CD46: variants seen among roughly 807,000 people sequenced by gnomAD.
CD46 encodes membrane cofactor protein.
A neutral mutation model predicts 53.3 loss-of-function variants in CD46; 30 were observed. That is an observed-to-expected ratio of 0.56 (90% confidence interval 0.42 to 0.76). The LOEUF (loss-of-function observed/expected upper bound fraction) is 0.76, where lower values mean the gene tolerates loss of function less well. Among genes scored for constraint, CD46 ranks in the 30% least tolerant of loss-of-function variants. CD46 has a pLI of 0.00. For missense variants in CD46, 409 were observed against 463.0 expected (o/e 0.88, Z 1.07); for synonymous variants, 142 against 152.0 (o/e 0.93, Z 0.48).
intron 11 of CD46, among the ~76,000 whole-genome samples, chr1:207,786,411 C>CTAA (rs1659278098): frequency 6.6e-6 from 1 of 152,076 alleles, no homozygotes. Context: ...AAGTACATAT[C>CTAA]TTCTAAAGAA....
At chr1:207,767,863 T>TA in intron 7 of CD46, 40 bp downstream of exon 7, 1 of 1,443,910 alleles carries the variant, frequency 6.9e-7, no homozygotes, top group Non-Finnish European at 9.7e-7. Context: ...AAAAATCCTT[T>TA]AAATTCCTGG....
At chr1:207,754,911 C>T (rs1655357106) in intron 1 of CD46, among the ~76,000 whole-genome samples, 1 of 145,262 alleles carries the variant, frequency 6.9e-6, no homozygotes, top group Non-Finnish European at 1.5e-5. Flanking sequence ...GCTAGAAGTT[C>T]AGCCTGGACA....
chr1:207,792,292 T>A (rs1659867395), intron 12 of CD46, among the ~76,000 whole-genome samples: 1 of 151,402 alleles, frequency 6.6e-6, no homozygotes, highest in Non-Finnish European at 1.5e-5. Context: ...GGAAAAAAAA[T>A]AAAGAAAAGA....
At chr1:207,784,434 C>T (rs920945117) in intron 9 of CD46, among the ~76,000 whole-genome samples, 6 of 152,178 alleles carry the variant, frequency 3.9e-5, no homozygotes, top group African/African-American at 7.2e-5. Context: ...ATAACTTTAC[C>T]GCTAAATAAC....
chr1:207,774,906 A>G (rs1279724552), intron 8 of CD46, among the ~76,000 whole-genome samples: 1 of 152,084 alleles, frequency 6.6e-6, no homozygotes, highest in African/African-American at 2.4e-5. Flanking sequence ...TGTTCTCTGT[A>G]TTTCCTGAAT....
Position 207,752,133 on chromosome 1 carries a change from C to A in CD46, c.-80C>A. 1 of 1,297,200 alleles carries A rather than the reference C, an allele frequency of 7.7e-7. No individual in the cohort carries two copies. Among genetic ancestry groups the A allele is most frequent in the Non-Finnish European group, 1.1e-6 (1 of 899,830 alleles). The allele number at this position is 1,297,200 out of a possible 1,614,324, so 80.4% of individuals were successfully genotyped here. A position where few individuals can be genotyped will look rare whatever the true frequency, so the allele number is the denominator to read the frequency against. ...GATTGTTGCGTCCCATATCTGGACC[C>A]AGAAGGGACTTCCCTGCTCGGCTGG... On this transcript the variant is annotated 5_prime_UTR_variant, in exon 1 of 13. Coordinates refer to ENST00000367042, the MANE Select transcript of CD46 (RefSeq NM_172351.3). This position sits in a 1 kb window ranked among gnomAD's most constrained non-coding sequence, Gnocchi z 4.1.
intron 5 of CD46, among the ~76,000 whole-genome samples, chr1:207,763,955 CT>C (rs11345183): frequency 0.61 from 76,528 of 126,352 alleles, 21,816 homozygotes; most frequent in East Asian, 0.85. Context: ...AGCTGCTACA[CT>C]TTTTTTTTTT....
intron 8 of CD46, among the ~76,000 whole-genome samples, chr1:207,779,139 C>G (rs1658442202): frequency 6.6e-6 from 1 of 152,074 alleles, no homozygotes; most frequent in Admixed American, 6.5e-5. Flanking sequence ...GATTTTGTAT[C>G]CTGCAACTTT....
chr1:207,792,958 A>G (rs1659938268), intron 12 of CD46, among the ~76,000 whole-genome samples: 1 of 152,236 alleles, frequency 6.6e-6, no homozygotes, highest in Non-Finnish European at 1.5e-5. Flanking sequence ...TTTAAATTAC[A>G]TGTATGACTG....
At chr1:207,781,452 T>G (rs567315859) in intron 8 of CD46, among the ~76,000 whole-genome samples, 1 of 152,288 alleles carries the variant, frequency 6.6e-6, no homozygotes, top group Admixed American at 6.5e-5. Context: ...GAAATATAAT[T>G]TTTTTCTTGT....
At chr1:207,770,207 G>A in intron 7 of CD46, 114 bp from the exon 8 acceptor site, 3 of 789,696 alleles carry the variant, frequency 3.8e-6, no homozygotes, top group Admixed American at 3.9e-5. Context: ...TGCAAAGTTT[G>A]TAAAGTGTGT....
intron 8 of CD46, among the ~76,000 whole-genome samples, chr1:207,775,105 T>G (rs912458290): frequency 3.9e-5 from 6 of 152,166 alleles, no homozygotes; most frequent in Non-Finnish European, 8.8e-5. Flanking sequence ...TTCTCTAATC[T>G]TGTCTTCTTT....
intron 8 of CD46, among the ~76,000 whole-genome samples, chr1:207,778,043 T>C (rs1019198018): frequency 6.6e-6 from 1 of 152,226 alleles, no homozygotes; most frequent in Non-Finnish European, 1.5e-5. Context: ...TGATCAGTGA[T>C]ACTGAGCTTT....
At chr1:207,792,102 C>T (rs201733194) in intron 12 of CD46, among the ~76,000 whole-genome samples, 3 of 151,974 alleles carry the variant, frequency 2.0e-5, no homozygotes, top group Admixed American at 2.0e-4. Flanking sequence ...ATGGTGAAAC[C>T]CTGTTTCTAC....
intron 11 of CD46, among the ~76,000 whole-genome samples, chr1:207,789,535 A>T (rs1159530401): frequency 6.6e-6 from 1 of 152,204 alleles, no homozygotes; most frequent in Non-Finnish European, 1.5e-5. Flanking sequence ...CATCCTTACA[A>T]AATTAGATCC....
intron 8 of CD46, among the ~76,000 whole-genome samples, chr1:207,776,554 A>G (rs182347308): frequency 1.3e-5 from 2 of 152,382 alleles, no homozygotes; most frequent in African/African-American, 4.8e-5. Context: ...AAAAAATGTT[A>G]AGAATTTTTA....
At position 207,793,888 on chromosome 1, in the gene CD46, GA is replaced by G; in HGVS notation, c.*414del. ...ATTTTATAAAATTGGCAAAATTAGA[GA>G]AATATAGTTCACAATGAAATTATAT... On this transcript the variant is annotated 3_prime_UTR_variant, in exon 13 of 13. Transcript: ENST00000367042. 1 of 340,586 alleles carries G rather than the reference GA, an allele frequency of 2.9e-6. No homozygotes were observed. Among genetic ancestry groups the G allele is most frequent in the Non-Finnish European group, 5.4e-6 (1 of 183,812 alleles). 21.1% of individuals were successfully genotyped at this position (340,586 alleles called of 1,614,324 possible).
intron 8 of CD46, among the ~76,000 whole-genome samples, chr1:207,772,858 T>C (rs901623101): frequency 2.0e-5 from 3 of 152,212 alleles, no homozygotes; most frequent in African/African-American, 4.8e-5. Flanking sequence ...GGCCTAAAAT[T>C]ATCTCTTTTT....
chr1:207,786,890 A>G (rs139333819), intron 11 of CD46, among the ~76,000 whole-genome samples: 1 of 152,358 alleles, frequency 6.6e-6, no homozygotes, highest in Admixed American at 6.5e-5. Context: ...AATATTATCA[A>G]TGGAATATTT....
Sources: allele counts gnomAD v4.1 joint callset (sites outside exome capture counted in the v4.1 genomes callset), GRCh38; gene constraint gnomAD v4.1.1; non-coding constraint Gnocchi (gnomAD v3.1); transcripts MANE v1.5; gene names NCBI Gene and HGNC (gene_info 2026-07-23, HGNC 2026-07-21).